The following MAGI1 variants were observed in gnomAD, a reference collection of about 807,000 sequenced individuals.
The protein encoded by MAGI1 is membrane associated guanylate kinase, WW and PDZ domain containing 1.
In MAGI1, 58 loss-of-function variants were observed where a neutral mutation model predicts 139.9. The ratio of observed to expected loss-of-function variants is 0.41; its 90% confidence interval spans 0.34 to 0.52. The LOEUF (loss-of-function observed/expected upper bound fraction) is 0.52. MAGI1 is among the 20% of genes least tolerant of loss of function. MAGI1 has a pLI of 0.12. For synonymous variants in MAGI1, 812 were observed against 737.9 expected (o/e 1.10, Z -1.63); for missense variants, 1,874 against 1,901.6 (o/e 0.99, Z 0.27).
chr3:65,598,836 G>T (rs2082351943), intron 2 of MAGI1, among the ~76,000 whole-genome samples: 1 of 152,204 alleles, frequency 6.6e-6, no homozygotes, highest in Non-Finnish European at 1.5e-5. Context: ...TCTTTTGAGG[G>T]ATCCTTCCTC....
intron 1 of MAGI1, among the ~76,000 whole-genome samples, chr3:65,737,717 G>A (rs773901851): frequency 2.6e-5 from 4 of 152,138 alleles, no homozygotes; most frequent in African/African-American, 4.8e-5. Context: ...GGCTAATCAC[G>A]TCAAATTACA....
chr3:65,435,327 T>C (rs999680405), intron 10 of MAGI1, among the ~76,000 whole-genome samples: 15 of 152,210 alleles, frequency 9.9e-5, no homozygotes, highest in East Asian at 3.8e-4. Flanking sequence ...ATGAAGTGTC[T>C]AATACAGACA....
chr3:65,918,093 C>T (rs188351328), intron 1 of MAGI1, among the ~76,000 whole-genome samples: 121 of 152,016 alleles, frequency 8.0e-4, no homozygotes, highest in Admixed American at 4.5e-3. Context: ...AATGCTCTAA[C>T]GAAGTCTATT....
At chr3:65,641,565 T>C (rs1436349112) in intron 1 of MAGI1, among the ~76,000 whole-genome samples, 2 of 152,208 alleles carry the variant, frequency 1.3e-5, no homozygotes, top group Non-Finnish European at 2.9e-5. Context: ...TAGAGCATCC[T>C]GTATAATCTC....
intron 1 of MAGI1, among the ~76,000 whole-genome samples, chr3:65,719,043 A>G (rs747858227): frequency 7.9e-4 from 119 of 151,532 alleles, no homozygotes; most frequent in Admixed American, 1.4e-3. Context: ...AAAAGACACA[A>G]AGCAAACGCC....
At chr3:65,727,907 C>T (rs371454152) in intron 1 of MAGI1, among the ~76,000 whole-genome samples, 2 of 151,978 alleles carry the variant, frequency 1.3e-5, no homozygotes, top group East Asian at 1.9e-4. Flanking sequence ...TATATCAATC[C>T]GGGTGATGTC....
At position 65,382,021 on chromosome 3, in the gene MAGI1, G is replaced by T; in HGVS notation, c.2557C>A (p.Arg853Ser). The change falls in exon 16 of 23, where the codon CGC becomes AGC. Residue 853 changes from arginine (R) to serine (S), a missense_variant. Arg to Ser is a moderately radical substitution (Grantham distance 110, BLOSUM62 -1). This residue lies in a region of MAGI1 where 482 missense variants were observed against 509.6 expected (regional missense o/e 0.95). Coordinates refer to ENST00000402939, the MANE Select transcript of MAGI1 (RefSeq NM_001033057.2). ...VPLGAADTDG[R>S]LRSGDELICV... ...ATTAATTCATCTCCAGACCTCAGGCGGCCGTCAGTATCAGCAGCACCCAGT... is the reference window on the plus strand; with the variant it reads ...ATTAATTCATCTCCAGACCTCAGGCTGCCGTCAGTATCAGCAGCACCCAGT... 6.2e-7 allele frequency: 1 copy of T among 1,614,014 alleles called. No homozygotes were observed.
At position 65,630,783 on chromosome 3, in the gene MAGI1, C is replaced by T. The variant is rs1485721583; in HGVS notation, c.314-8695G>A. Among the ~76,000 whole-genome samples the T allele has an allele frequency of 1.3e-4, 20 of 152,118 alleles. 1 individual carries two copies. Among genetic ancestry groups the T allele is most frequent in the Admixed American group, 1.3e-3 (20 of 15,266 alleles). On this transcript the variant is annotated intron_variant, in intron 1 of 22. Transcript: ENST00000402939. The stretch of plus-strand genomic sequence containing the variant: ...CGTGTGCACTGCTCAGTGACATGTG[C>T]ACTCAAATCTCAGAATTCACCACTA...
intron 2 of MAGI1, among the ~76,000 whole-genome samples, chr3:65,530,658 T>TATATACATATATATATAC (rs1559642194): frequency 4.6e-5 from 6 of 130,624 alleles, no homozygotes; most frequent in East Asian, 2.2e-4. Context: ...TGTGTGTGTG[T>TATATACATATATATATAC]GTGTATATAT....
chr3:65,926,948 T>C (rs2566354), intron 1 of MAGI1, among the ~76,000 whole-genome samples: 114,080 of 152,100 alleles, frequency 0.75, 43,487 homozygotes, highest in East Asian at 0.94. Flanking sequence ...TGAGCCGAGA[T>C]TGCGCCATTG....
intron 1 of MAGI1, among the ~76,000 whole-genome samples, chr3:65,754,206 G>C (rs1263882675): frequency 6.6e-6 from 1 of 152,074 alleles, no homozygotes; most frequent in Non-Finnish European, 1.5e-5. Flanking sequence ...TTATCACTGA[G>C]AGACAGAATT....
intron 2 of MAGI1, among the ~76,000 whole-genome samples, chr3:65,571,870 T>A (rs2080974914): frequency 1.3e-5 from 2 of 152,260 alleles, no homozygotes; most frequent in African/African-American, 4.8e-5. Context: ...ACTGATCATT[T>A]GATGCACAAA....
intron 1 of MAGI1, among the ~76,000 whole-genome samples, chr3:65,856,842 G>A (rs1159498183): frequency 6.6e-6 from 1 of 152,152 alleles, no homozygotes; most frequent in Non-Finnish European, 1.5e-5. Flanking sequence ...GCCTCTCCAT[G>A]GGAGTTTCTG....
At chr3:65,910,874 T>TTTTTTTTTTTTTTTTG (rs2061638668) in intron 1 of MAGI1, among the ~76,000 whole-genome samples, 2 of 141,064 alleles carry the variant, frequency 1.4e-5, no homozygotes, top group African/African-American at 2.7e-5. Flanking sequence ...TTTTTTTTTT[T>TTTTTTTTTTTTTTTTG]TGAGATGGAG....
chr3:65,763,864 A>G (rs1322889801), intron 1 of MAGI1, among the ~76,000 whole-genome samples: 1 of 152,028 alleles, frequency 6.6e-6, no homozygotes, highest in Non-Finnish European at 1.5e-5. Context: ...TGAGCACAGG[A>G]GTTCAAGACC....
At chr3:65,796,237 C>T (rs1205540270) in intron 1 of MAGI1, among the ~76,000 whole-genome samples, 1 of 151,904 alleles carries the variant, frequency 6.6e-6, no homozygotes, top group Non-Finnish European at 1.5e-5. Context: ...TCTTTTAAGG[C>T]TATTTTCTTT....
At chr3:65,889,819 A>G (rs2108566319) in intron 1 of MAGI1, among the ~76,000 whole-genome samples, 1 of 152,202 alleles carries the variant, frequency 6.6e-6, no homozygotes, top group Middle Eastern at 3.4e-3. Flanking sequence ...GAGCCACCTG[A>G]GCCAACACCA....
intron 2 of MAGI1, among the ~76,000 whole-genome samples, chr3:65,506,592 A>G (rs1206697863): frequency 3.9e-5 from 6 of 152,234 alleles, no homozygotes; most frequent in Non-Finnish European, 8.8e-5. Flanking sequence ...TCTTTCAATA[A>G]GAAATCACAA....
chr3:65,415,942 G>A (rs1946182644), intron 12 of MAGI1, among the ~76,000 whole-genome samples: 1 of 152,012 alleles, frequency 6.6e-6, no homozygotes, highest in Non-Finnish European at 1.5e-5. Context: ...TATAAACATA[G>A]AATCCCATTA....
Sources: gnomAD v4.1 joint callset for allele counts (sites outside exome capture counted in the v4.1 genomes callset) on GRCh38, gnomAD v4.1.1 for gene constraint, gnomAD v4.1.1 regional missense constraint, MANE v1.5 for transcripts, NCBI Gene and HGNC (gene_info 2026-07-23, HGNC 2026-07-21) for gene names.